Variants in ZDBF2 observed in about 807,000 individuals in gnomAD.
The protein encoded by ZDBF2 is zinc finger DBF-type containing 2.
ZDBF2 carries 6 observed loss-of-function variants against 9.4 expected under a neutral mutation model. The observed-to-expected ratio is 0.64, with a 90% CI of 0.35 to 1.27. The LOEUF is 1.27. Ranked by LOEUF, ZDBF2 falls within the 50% of genes most tolerant of loss-of-function variation. The probability of loss-of-function intolerance (pLI) is 0.03; values close to 1 mark genes in which losing one functional copy is unlikely to be tolerated. For missense variants in ZDBF2, 2,697 were observed against 2,766.8 expected, an observed-to-expected ratio of 0.97 and a Z score of 0.57; for synonymous variants, 905 against 946.3, an observed-to-expected ratio of 0.96 and a Z score of 0.80.
chr2:206,282,332 A>G (rs1212947166), intron 3 of ZDBF2, among the ~76,000 whole-genome samples: 2 of 152,162 alleles, frequency 1.3e-5, no homozygotes, highest in African/African-American at 4.8e-5. Context: ...GAGGGTACAG[A>G]GTGGTTGGCA....
chr2:206,277,729 C>CAA (rs5838017), intron 1 of ZDBF2, among the ~76,000 whole-genome samples: 2 of 104,958 alleles, frequency 1.9e-5, no homozygotes, highest in African/African-American at 3.7e-5. Context: ...CTAATCTGTC[C>CAA]AAAAAAAAAA....
chr2:206,300,657 A>G (rs557245582), intron 4 of ZDBF2, among the ~76,000 whole-genome samples: 15 of 152,276 alleles, frequency 9.9e-5, no homozygotes, highest in Middle Eastern at 6.8e-3. Flanking sequence ...CCTAATTAAT[A>G]AGGATCGTAT....
chr2:206,297,180 T>G, intron 3 of ZDBF2, 66 bp from the exon 4 acceptor site: 1 of 636,018 alleles, frequency 1.6e-6, no homozygotes. Context: ...AATGAATCCA[T>G]TTTGTCGAAC....
chr2:206,304,705 C>CT lies in ZDBF2; in HGVS notation c.189-9dup. ...TAGAATATGTTTATGAGTTTCCCCC[C>CT]TTTCGTTTTAGTTCAACACAAGATG... On this transcript the variant is annotated splice_polypyrimidine_tract_variant and intron_variant, in intron 4 of 4. Coordinates refer to ENST00000374423, the MANE Select transcript of ZDBF2 (RefSeq NM_020923.3). 1 of 1,586,024 alleles carries CT rather than the reference C, an allele frequency of 6.3e-7. No homozygotes were observed. Among genetic ancestry groups the CT allele is most frequent in the Non-Finnish European group, 8.6e-7 (1 of 1,169,556 alleles).
Position 206,306,225 on chromosome 2 carries a change from C to T in ZDBF2, c.1697C>T (p.Ala566Val). The T allele has an allele frequency of 6.2e-7, 1 of 1,613,458 alleles. No homozygotes were observed. The highest frequency in any genetic ancestry group is 1.1e-5 in the South Asian group (1 of 91,068). Residue 566 changes from alanine (A) to valine (V), a missense_variant, in exon 5 of 5, where the codon GCT (alanine) becomes GTT (valine). Ala to Val is a moderately conservative substitution (Grantham distance 64). Coordinates refer to ENST00000374423, the MANE Select transcript of ZDBF2 (RefSeq NM_020923.3). Reference sequence around the variant, plus strand: ...ACAGAAACAAAACTTCGGAAGAAGGCTCATACCAGCTTGGTTGATAACTAT... The same window carrying T: ...ACAGAAACAAAACTTCGGAAGAAGGTTCATACCAGCTTGGTTGATAACTAT... ...AVTETKLRKK[A>V]HTSLVDNYGS...
Position 206,313,782 on chromosome 2 carries a change from G to A in ZDBF2, c.*2189G>A, listed in dbSNP as rs951924042. The stretch of plus-strand genomic sequence containing the variant: ...CCTTCTAAGTACCATTTTCATTGGG[G>A]GCAGGGAGAAGGTTTATATTTAAAT... On this transcript the variant is annotated 3_prime_UTR_variant, in exon 5 of 5. Transcript: ENST00000374423. The A allele has an allele frequency of 1.3e-5, 2 of 152,034 alleles. No individual in the cohort carries two copies. The highest frequency in any genetic ancestry group is 4.8e-5 in the African/African-American group (2 of 41,412). The allele number at this position is 152,034 out of a possible 1,614,324, so 9.4% of individuals were successfully genotyped here.
rs562838837 is a variant in ZDBF2 at position 206,305,358 on chromosome 2, C to T, written c.830C>T (p.Ser277Phe). Residue 277 changes from serine (S) to phenylalanine (F), a missense_variant, in exon 5 of 5, where the codon TCT becomes TTT. This residue lies in a region of ZDBF2 where 910 missense variants were observed against 973.6 expected (regional missense o/e 0.93). Transcript: ENST00000374423. ...DKLVLWKDVK[S>F]QGKTLSAGLK... Reference sequence around the variant, plus strand: ...TTGGTTTTGTGGAAAGATGTAAAATCTCAGGGTAAAACTTTATCAGCTGGC... The same window carrying T: ...TTGGTTTTGTGGAAAGATGTAAAATTTCAGGGTAAAACTTTATCAGCTGGC... The T allele has an allele frequency of 3.7e-6, 6 of 1,612,788 alleles. No homozygotes were observed. In the African/African-American group the frequency reaches 6.7e-5, roughly 18 times the overall value.
chr2:206,304,618 A>T, intron 4 of ZDBF2, 99 bp from the exon 5 acceptor site: 1 of 1,393,718 alleles, frequency 7.2e-7, no homozygotes, highest in Non-Finnish European at 9.6e-7. Flanking sequence ...CTTTAAGGAT[A>T]GTCCAGAACA....
intron 3 of ZDBF2, among the ~76,000 whole-genome samples, chr2:206,289,983 C>T (rs543933729): frequency 1.3e-5 from 2 of 152,202 alleles, no homozygotes; most frequent in East Asian, 1.9e-4. Context: ...CTCTGATGCA[C>T]TCCATTGCCC....
chr2:206,309,566 C>T lies in ZDBF2; in HGVS notation c.5038C>T (p.Leu1680=). Residue 1680 remains leucine, a synonymous_variant, in exon 5 of 5, where the codon CTG becomes TTG. Coordinates refer to ENST00000374423, the MANE Select transcript of ZDBF2 (RefSeq NM_020923.3). ...CACTTCTCATCGAACGACTCACCGACTGCAGAAAGCTCACAAAGAAGCCAG... is the reference window on the plus strand; with the variant it reads ...CACTTCTCATCGAACGACTCACCGATTGCAGAAAGCTCACAAAGAAGCCAG... ...EDTSHRTTHR[L]QKAHKEASLR... The T allele has an allele frequency of 6.2e-7, 1 of 1,613,954 alleles. No homozygotes were observed. The highest frequency in any genetic ancestry group is 2.2e-5 in the East Asian group (1 of 44,872).
chr2:206,299,806 A>G (rs1240600166), intron 4 of ZDBF2, among the ~76,000 whole-genome samples: 1 of 143,200 alleles, frequency 7.0e-6, no homozygotes, highest in South Asian at 2.2e-4. Flanking sequence ...CTTGGCCTCT[A>G]AAAAAAAAAA....
rs1690881738 is a variant in ZDBF2 at position 206,274,723 on chromosome 2, A to C, written c.-326A>C. On this transcript the variant is annotated 5_prime_UTR_variant, in exon 1 of 5. Transcript: ENST00000374423. ...GGATGCCTGCGTGAGTGGAGTCGCG[A>C]CTCGGGGCCCGCGTCCTGAGAGACG... 1 of 151,992 alleles carries C rather than the reference A, an allele frequency of 6.6e-6. No individual in the cohort carries two copies. The highest frequency in any genetic ancestry group is 1.5e-5 in the Non-Finnish European group (1 of 67,994). The allele number at this position is 151,992 out of a possible 1,614,324, so 9.4% of individuals were successfully genotyped here.
In ZDBF2 at chr2:206,305,748, G is replaced by A. The variant is rs866878128; in HGVS notation, c.1220G>A (p.Ser407Asn). The A allele has an allele frequency of 6.2e-7, 1 of 1,613,768 alleles. No individual in the cohort carries two copies. The highest frequency in any genetic ancestry group is 8.5e-7 in the Non-Finnish European group (1 of 1,179,812). Residue 407 changes from serine (S) to asparagine (N), a missense_variant, in exon 5 of 5, where the codon AGT becomes AAT. Coordinates refer to ENST00000374423, the MANE Select transcript of ZDBF2 (RefSeq NM_020923.3). ...TATGAGTCTAGAGGTTCAGAAATGA[G>A]TTTTGATTGCAGTTCCTCTTTTCAT... ...DNYESRGSEM[S>N]FDCSSSFHSL...
intron 3 of ZDBF2, among the ~76,000 whole-genome samples, chr2:206,289,840 C>G (rs1693274415): frequency 6.6e-6 from 1 of 152,048 alleles, no homozygotes. Flanking sequence ...TGCTTGCCTC[C>G]TTGCTATAGA....
At chr2:206,300,889 A>G (rs1400974915) in intron 4 of ZDBF2, among the ~76,000 whole-genome samples, 1 of 152,024 alleles carries the variant, frequency 6.6e-6, no homozygotes, top group African/African-American at 2.4e-5. Flanking sequence ...TTTATTATTT[A>G]TTTTGTTGCT....
chr2:206,298,707 G>C (rs554350916), intron 4 of ZDBF2, among the ~76,000 whole-genome samples: 1 of 151,816 alleles, frequency 6.6e-6, no homozygotes, highest in South Asian at 2.1e-4. Flanking sequence ...TGTATATTTA[G>C]TAGAGACTGG....
At chr2:206,290,928 G>A (rs956226499) in intron 3 of ZDBF2, among the ~76,000 whole-genome samples, 1 of 151,966 alleles carries the variant, frequency 6.6e-6, no homozygotes, top group Non-Finnish European at 1.5e-5. Flanking sequence ...TTGGATCTTG[G>A]GAGAAAACTT....
intron 1 of ZDBF2, among the ~76,000 whole-genome samples, chr2:206,277,235 C>T (rs375139578): frequency 6.6e-6 from 1 of 151,842 alleles, no homozygotes; most frequent in South Asian, 2.1e-4. Flanking sequence ...CAACTCCAGA[C>T]TCATTTCAGA....
In ZDBF2 at chr2:206,307,744, C is replaced by G. The variant is rs1692892471; in HGVS notation, c.3216C>G (p.Asn1072Lys). 9 of 1,612,844 alleles carry G rather than the reference C, an allele frequency of 5.6e-6. No individual in the cohort carries two copies. Among genetic ancestry groups the G allele is most frequent in the Non-Finnish European group, 7.6e-6 (9 of 1,179,616 alleles). ...KEKHVNLKDK[N>K]SKSGDSKITF... ...AACATGTTAATCTGAAGGACAAAAACAGTAAATCAGGTGATTCTAAAATAA... is the reference window on the plus strand; with the variant it reads ...AACATGTTAATCTGAAGGACAAAAAGAGTAAATCAGGTGATTCTAAAATAA... Residue 1072 changes from asparagine (N) to lysine (K), a missense_variant, in exon 5 of 5, where the codon AAC becomes AAG. Asn to Lys is a moderately conservative substitution (Grantham distance 94). Coordinates refer to ENST00000374423, the MANE Select transcript of ZDBF2 (RefSeq NM_020923.3).
Sources: gnomAD v4.1 joint callset for allele counts (sites outside exome capture counted in the v4.1 genomes callset) on GRCh38, gnomAD v4.1.1 for gene constraint, gnomAD v4.1.1 regional missense constraint, MANE v1.5 for transcripts, NCBI Gene and HGNC (gene_info 2026-07-23, HGNC 2026-07-21) for gene names.